The following CNTNAP2 variants were observed in gnomAD, a reference collection of about 807,000 sequenced individuals.
CNTNAP2 encodes contactin-associated protein-like 2.
Under a neutral mutation model 155.2 loss-of-function variants are expected in CNTNAP2, and 98 were observed. The ratio of observed to expected loss-of-function variants is 0.63; its 90% CI spans 0.54 to 0.75. The LOEUF is 0.75. CNTNAP2 is among the 30% of genes least tolerant of loss of function. CNTNAP2 has a pLI of 0.00. For missense variants in CNTNAP2, 1,727 were observed against 1,688.1 expected, an observed-to-expected ratio of 1.02 and a Z score of -0.40; for synonymous variants, 651 against 631.2, an observed-to-expected ratio of 1.03 and a Z score of -0.47.
At chr7:147,197,266 C>A (rs965173704) in intron 8 of CNTNAP2, among the ~76,000 whole-genome samples, 1 of 152,054 alleles carries the variant, frequency 6.6e-6, no homozygotes, top group Non-Finnish European at 1.5e-5. Context: ...AATGGAAAAA[C>A]CTCTAGGGGG....
chr7:146,182,478 C>T (rs528289184), intron 1 of CNTNAP2, among the ~76,000 whole-genome samples: 1 of 152,248 alleles, frequency 6.6e-6, no homozygotes, highest in African/African-American at 2.4e-5. Flanking sequence ...GTTCATCACA[C>T]TTCCCCAAGA....
At chr7:146,941,232 T>G (rs1414342760) in intron 3 of CNTNAP2, among the ~76,000 whole-genome samples, 1 of 152,116 alleles carries the variant, frequency 6.6e-6, no homozygotes, top group Non-Finnish European at 1.5e-5. Flanking sequence ...AGTGGTACAA[T>G]TATTTTGTTG....
chr7:146,498,536 A>G (rs557547299), intron 1 of CNTNAP2, among the ~76,000 whole-genome samples: 34 of 152,302 alleles, frequency 2.2e-4, no homozygotes, highest in African/African-American at 7.7e-4. Flanking sequence ...AGAGAATTGG[A>G]TCAAATTGGA....
chr7:147,072,774 C>T (rs923809878), intron 4 of CNTNAP2, among the ~76,000 whole-genome samples: 5 of 151,606 alleles, frequency 3.3e-5, no homozygotes, highest in Non-Finnish European at 7.4e-5. Flanking sequence ...AAGGATCACA[C>T]ATCTGTTGTT....
chr7:147,664,650 T>G (rs1795667162), intron 13 of CNTNAP2, among the ~76,000 whole-genome samples: 1 of 152,238 alleles, frequency 6.6e-6, no homozygotes, highest in East Asian at 1.9e-4. Context: ...TCTTCTTTTA[T>G]TCCTAGGAAA....
intron 1 of CNTNAP2, among the ~76,000 whole-genome samples, chr7:146,130,154 T>C (rs1249721901): frequency 6.6e-6 from 1 of 152,174 alleles, no homozygotes; most frequent in Non-Finnish European, 1.5e-5. Context: ...AAAGAAATTT[T>C]CACTGGTTAG....
intron 1 of CNTNAP2, among the ~76,000 whole-genome samples, chr7:146,556,030 T>G (rs1484084100): frequency 1.3e-5 from 2 of 152,218 alleles, no homozygotes; most frequent in African/African-American, 2.4e-5. Flanking sequence ...AATAGCAATG[T>G]CTAATTATTT....
At chr7:146,429,274 C>A (rs904074330) in intron 1 of CNTNAP2, among the ~76,000 whole-genome samples, 2 of 151,832 alleles carry the variant, frequency 1.3e-5, no homozygotes, top group Non-Finnish European at 2.9e-5. Flanking sequence ...TGAAGAATTT[C>A]CAATGGTAGT....
chr7:148,354,061 C>A (rs1054075858), intron 21 of CNTNAP2, among the ~76,000 whole-genome samples: 2 of 152,086 alleles, frequency 1.3e-5, no homozygotes, highest in African/African-American at 4.8e-5. Flanking sequence ...AAAAGAAATG[C>A]ACACCTCAGA....
At chr7:147,671,074 C>A (rs535563666) in intron 13 of CNTNAP2, among the ~76,000 whole-genome samples, 82 of 152,326 alleles carry the variant, frequency 5.4e-4, no homozygotes, top group African/African-American at 1.9e-3. Context: ...TACCCGTGTG[C>A]TCCTTCCCAT....
chr7:147,989,089 T>C (rs1409902480), intron 15 of CNTNAP2, among the ~76,000 whole-genome samples: 1 of 152,210 alleles, frequency 6.6e-6, no homozygotes, highest in African/African-American at 2.4e-5. Flanking sequence ...CTCATGTAGT[T>C]GTGCTTTACA....
At chr7:147,609,517 C>T (rs528693180) in intron 12 of CNTNAP2, among the ~76,000 whole-genome samples, 101 of 151,944 alleles carry the variant, frequency 6.6e-4, no homozygotes, top group African/African-American at 2.1e-3. Flanking sequence ...GGTGACAGAG[C>T]GAGACTCTGT....
At chr7:147,466,610 A>C (rs1339762734) in intron 10 of CNTNAP2, among the ~76,000 whole-genome samples, 1 of 152,184 alleles carries the variant, frequency 6.6e-6, no homozygotes, top group Non-Finnish European at 1.5e-5. Flanking sequence ...TCTGATCCCC[A>C]ACATCTGAGC....
chr7:148,322,022 G>A (rs1388192330), intron 21 of CNTNAP2, among the ~76,000 whole-genome samples: 1 of 151,552 alleles, frequency 6.6e-6, no homozygotes, highest in Non-Finnish European at 1.5e-5. Context: ...TCATGCCTCA[G>A]CACCCGTCCC....
chr7:147,132,489 G>T lies in CNTNAP2; in HGVS notation c.1328G>T (p.Ser443Ile). The T allele has an allele frequency of 6.2e-7, 1 of 1,613,536 alleles. No homozygotes were observed. Among genetic ancestry groups the T allele is most frequent in the East Asian group, 2.2e-5 (1 of 44,862 alleles). The change falls in exon 8 of 24, where the codon AGC becomes ATC. Residue 443 changes from serine to isoleucine, a missense_variant. Coordinates refer to ENST00000361727, the MANE Select transcript of CNTNAP2 (RefSeq NM_014141.6). The part of the protein sequence containing the change: ...VHINITQTKM[S>I]QIDISSGSGL... Reference sequence around the variant, plus strand: ...ATCAACATCACACAGACCAAGATGAGCCAAATCGATATTTCCTCAGGTCAG... The same window carrying T: ...ATCAACATCACACAGACCAAGATGATCCAAATCGATATTTCCTCAGGTCAG...
chr7:146,438,012 G>GCT (rs1563083645), intron 1 of CNTNAP2, among the ~76,000 whole-genome samples: 1 of 151,288 alleles, frequency 6.6e-6, no homozygotes, highest in African/African-American at 2.5e-5. Flanking sequence ...GAACATCATT[G>GCT]CTATCCCATG....
chr7:147,024,538 T>C (rs1348877489), intron 3 of CNTNAP2, among the ~76,000 whole-genome samples: 2 of 152,170 alleles, frequency 1.3e-5, no homozygotes, highest in African/African-American at 2.4e-5. Context: ...GGGTAAATTA[T>C]AAAGAAAAGA....
chr7:148,026,904 G>A (rs779863649), intron 15 of CNTNAP2, among the ~76,000 whole-genome samples: 21 of 152,088 alleles, frequency 1.4e-4, no homozygotes, highest in Admixed American at 2.6e-4. Context: ...ACCCTTTCTC[G>A]TACCATTAAT....
intron 1 of CNTNAP2, among the ~76,000 whole-genome samples, chr7:146,445,058 C>T (rs770362716): frequency 2.2e-4 from 34 of 151,992 alleles, no homozygotes; most frequent in Non-Finnish European, 4.1e-4. Context: ...AAAAAAACTT[C>T]CTTCTAATAA....
Sources: allele counts gnomAD v4.1 joint callset (sites outside exome capture counted in the v4.1 genomes callset), GRCh38; gene constraint gnomAD v4.1.1; transcripts MANE v1.5; gene names NCBI Gene and HGNC (gene_info 2026-07-23, HGNC 2026-07-21).